DPP6: variants seen among roughly 807,000 people sequenced by gnomAD.
The protein encoded by DPP6 is dipeptidyl peptidase like 6, also known as A-type potassium channel modulatory protein DPP6.
In DPP6, 69 loss-of-function variants were observed where a neutral mutation model predicts 122.6. The observed-to-expected ratio is 0.56, with a 90% CI of 0.46 to 0.69. The LOEUF (loss-of-function observed/expected upper bound fraction) is 0.69, where lower values mean the gene tolerates loss of function less well. Ranked by LOEUF, DPP6 falls within the 30% of genes least tolerant of loss-of-function variation. DPP6 has a pLI of 0.00. For missense variants in DPP6, 928 were observed against 1,116.9 expected (o/e 0.83, Z 2.41); for synonymous variants, 418 against 433.1 (o/e 0.97, Z 0.43).
chr7:153,794,278 G>C, the DPP6 span, among the ~76,000 whole-genome samples: 1 of 152,236 alleles, frequency 6.6e-6, no homozygotes, highest in Non-Finnish European at 1.5e-5. Flanking sequence ...AAAGCGACAG[G>C]AGTGGAGCTG....
chr7:154,460,272 G>T (rs538340627), intron 2 of DPP6, among the ~76,000 whole-genome samples: 1 of 152,110 alleles, frequency 6.6e-6, no homozygotes, highest in Admixed American at 6.5e-5. Flanking sequence ...ATGAGCCACC[G>T]TGCCTGGCCT....
At chr7:154,827,579 G>A (rs549752482) in intron 16 of DPP6, among the ~76,000 whole-genome samples, 7 of 152,032 alleles carry the variant, frequency 4.6e-5, no homozygotes, top group Admixed American at 1.3e-4. Flanking sequence ...TAAGGGATGC[G>A]TCTCTTGGAA....
chr7:153,918,218 T>C (rs1458452823), intron 1 of DPP6, among the ~76,000 whole-genome samples: 2 of 152,186 alleles, frequency 1.3e-5, no homozygotes, highest in Non-Finnish European at 2.9e-5. Context: ...CCTAGGACAC[T>C]TTGACTGCTG....
At chr7:154,671,680 A>C (rs1838564999) in intron 7 of DPP6, among the ~76,000 whole-genome samples, 1 of 152,158 alleles carries the variant, frequency 6.6e-6, no homozygotes, top group Non-Finnish European at 1.5e-5. Context: ...CTTTAGAATT[A>C]AGTCTATAAT....
chr7:154,063,618 A>G (rs7802066), intron 1 of DPP6, among the ~76,000 whole-genome samples: 9,418 of 33,668 alleles, frequency 0.28, 1,575 homozygotes, highest in Admixed American at 0.3. Context: ...GGCACCCCCC[A>G]CGAGGCAGGG....
the DPP6 span, among the ~76,000 whole-genome samples, chr7:153,853,324 G>C: frequency 6.6e-6 from 1 of 152,134 alleles, no homozygotes; most frequent in East Asian, 1.9e-4. Flanking sequence ...AGTAATGTCT[G>C]TTCTACCAAG....
chr7:154,256,234 T>C (rs1311173405), intron 1 of DPP6, among the ~76,000 whole-genome samples: 1 of 152,150 alleles, frequency 6.6e-6, no homozygotes, highest in Non-Finnish European at 1.5e-5. Context: ...AAAAGTCCAG[T>C]AGTGGCCGTA....
At chr7:154,240,490 T>C (rs576433715) in intron 1 of DPP6, among the ~76,000 whole-genome samples, 27 of 152,340 alleles carry the variant, frequency 1.8e-4, no homozygotes, top group African/African-American at 6.0e-4. Flanking sequence ...GTTCTCCATC[T>C]TCCATCCCAT....
At chr7:153,805,686 G>A in the DPP6 span, among the ~76,000 whole-genome samples, 1 of 152,126 alleles carries the variant, frequency 6.6e-6, no homozygotes, top group African/African-American at 2.4e-5. Flanking sequence ...AAAATCATAA[G>A]TTCATGTCCT....
At chr7:153,987,580 AC>A (rs1796915520) in intron 1 of DPP6, among the ~76,000 whole-genome samples, 6 of 151,920 alleles carry the variant, frequency 3.9e-5, no homozygotes, top group African/African-American at 1.5e-4. Context: ...CCCTCAGAAA[AC>A]TAAATGTCAA....
chr7:154,456,525 G>T (rs1263339396), intron 2 of DPP6, among the ~76,000 whole-genome samples: 2 of 151,660 alleles, frequency 1.3e-5, no homozygotes, highest in Admixed American at 1.3e-4. Context: ...GTTGGAAATG[G>T]GAGAAAGGCC....
chr7:154,629,422 A>G (rs1476715712), intron 5 of DPP6, among the ~76,000 whole-genome samples: 1 of 150,564 alleles, frequency 6.6e-6, no homozygotes, highest in African/African-American at 2.5e-5. Flanking sequence ...TTTACCACCC[A>G]GTCTCTAAAT....
At chr7:154,650,089 G>A (rs180787985) in intron 6 of DPP6, among the ~76,000 whole-genome samples, 6 of 152,328 alleles carry the variant, frequency 3.9e-5, no homozygotes, top group Admixed American at 2.0e-4. Context: ...GGAGGTCAAC[G>A]TGGGAGGATC....
At chr7:154,647,324 G>A (rs747970221) in intron 6 of DPP6, among the ~76,000 whole-genome samples, 4 of 152,248 alleles carry the variant, frequency 2.6e-5, no homozygotes, top group South Asian at 2.1e-4. Flanking sequence ...CAGGATTGCC[G>A]TGGAAGCTGA....
intron 7 of DPP6, among the ~76,000 whole-genome samples, chr7:154,724,829 A>G (rs1384807547): frequency 1.3e-5 from 2 of 152,178 alleles, no homozygotes; most frequent in Non-Finnish European, 2.9e-5. Flanking sequence ...GAAGAGGGAA[A>G]GGTTCTGCAG....
At chr7:153,998,419 A>G (rs1585153407) in intron 1 of DPP6, among the ~76,000 whole-genome samples, 2 of 152,336 alleles carry the variant, frequency 1.3e-5, no homozygotes, top group African/African-American at 4.8e-5. Flanking sequence ...TTTAGGTTGT[A>G]GAAAAGGATG....
chr7:154,382,609 C>A (rs1253173530), intron 1 of DPP6, among the ~76,000 whole-genome samples: 1 of 152,210 alleles, frequency 6.6e-6, no homozygotes, highest in East Asian at 1.9e-4. Flanking sequence ...GCGCTCAGCG[C>A]TCTTCATGTG....
chr7:154,762,428 C>A (rs555998251), intron 8 of DPP6, among the ~76,000 whole-genome samples: 1 of 152,318 alleles, frequency 6.6e-6, no homozygotes, highest in South Asian at 2.1e-4. Context: ...CATGAATAAC[C>A]CCTAACCACA....
At chr7:153,967,506 G>C (rs1205885661) in intron 1 of DPP6, among the ~76,000 whole-genome samples, 1 of 152,170 alleles carries the variant, frequency 6.6e-6, no homozygotes, top group African/African-American at 2.4e-5. Context: ...TAGTGATTGG[G>C]GAGGGAGAGT....
Sources: allele counts gnomAD v4.1 joint callset (sites outside exome capture counted in the v4.1 genomes callset), GRCh38; gene constraint gnomAD v4.1.1; transcripts MANE v1.5; gene names NCBI Gene and HGNC (gene_info 2026-07-23, HGNC 2026-07-21).